Variants in MYO3A observed in about 807,000 individuals in gnomAD.
The protein encoded by MYO3A is myosin IIIA, also known as myosin-IIIa.
A neutral mutation model predicts 192.7 loss-of-function variants in MYO3A; 180 were observed. The ratio of observed to expected loss-of-function variants is 0.93; its 90% CI spans 0.83 to 1.06. MYO3A has a LOEUF of 1.06. Among genes scored for constraint, MYO3A ranks in the 50% least tolerant of loss-of-function variants. The probability of loss-of-function intolerance (pLI) is 0.00; values close to 1 mark genes in which losing one functional copy is unlikely to be tolerated. For synonymous variants in MYO3A, 628 were observed against 645.3 expected (o/e 0.97, Z 0.41); for missense variants, 1,896 against 1,905.0 (o/e 1.00, Z 0.09).
chr10:26,143,930 C>T (rs971075016), intron 21 of MYO3A, among the ~76,000 whole-genome samples: 3 of 152,140 alleles, frequency 2.0e-5, no homozygotes, highest in African/African-American at 7.2e-5. Context: ...AAAAGGACAG[C>T]TCTGGAATTG....
chr10:26,074,259 A>C (rs1237576225), intron 14 of MYO3A, among the ~76,000 whole-genome samples: 1 of 152,168 alleles, frequency 6.6e-6, no homozygotes, highest in Non-Finnish European at 1.5e-5. Context: ...GTGAGGCTGC[A>C]TAGTTCAAAA....
chr10:26,047,509 C>G (rs1054314092), intron 10 of MYO3A, among the ~76,000 whole-genome samples: 32 of 152,318 alleles, frequency 2.1e-4, no homozygotes, highest in African/African-American at 7.5e-4. Context: ...CACAGTGGCT[C>G]ACGCCTGTAA....
chr10:26,042,562 T>A (rs1317199057), intron 10 of MYO3A, among the ~76,000 whole-genome samples: 1 of 152,196 alleles, frequency 6.6e-6, no homozygotes, highest in Non-Finnish European at 1.5e-5. Context: ...GCTCACTAAT[T>A]CTTTCTTCTG....
At chr10:26,117,259 T>C (rs1325192434) in intron 17 of MYO3A, among the ~76,000 whole-genome samples, 1 of 152,176 alleles carries the variant, frequency 6.6e-6, no homozygotes, top group Non-Finnish European at 1.5e-5. Flanking sequence ...ACTTCCAAGT[T>C]CATAGACCAG....
intron 31 of MYO3A, among the ~76,000 whole-genome samples, chr10:26,180,630 T>G (rs1381739604): frequency 6.6e-6 from 1 of 151,948 alleles, no homozygotes. Flanking sequence ...GGAATAGAAT[T>G]CAGTAAGGAT....
chr10:26,095,117 G>A (rs779574369), intron 15 of MYO3A, among the ~76,000 whole-genome samples: 1 of 152,136 alleles, frequency 6.6e-6, no homozygotes, highest in Non-Finnish European at 1.5e-5. Context: ...TCAGGCCACT[G>A]CCAAAAGTGG....
chr10:26,036,537 G>A (rs1008166813), intron 10 of MYO3A, among the ~76,000 whole-genome samples: 1 of 152,168 alleles, frequency 6.6e-6, no homozygotes, highest in Non-Finnish European at 1.5e-5. Context: ...ATTTTCTCTA[G>A]TAATTAATAC....
At chr10:26,100,881 G>C (rs945692625) in intron 17 of MYO3A, among the ~76,000 whole-genome samples, 2 of 152,148 alleles carry the variant, frequency 1.3e-5, no homozygotes, top group Non-Finnish European at 2.9e-5. Context: ...TGTTGATTTG[G>C]GGTGGAGAGT....
At chr10:26,195,259 C>T (rs528065689) in intron 32 of MYO3A, among the ~76,000 whole-genome samples, 1 of 152,252 alleles carries the variant, frequency 6.6e-6, no homozygotes, top group African/African-American at 2.4e-5. Context: ...ACTTCTCCCT[C>T]GTTCTCATCT....
At chr10:26,146,601 C>T (rs904669341) in intron 22 of MYO3A, among the ~76,000 whole-genome samples, 1 of 152,144 alleles carries the variant, frequency 6.6e-6, no homozygotes, top group African/African-American at 2.4e-5. Flanking sequence ...GGTTCCTCTT[C>T]CTGCTCTTAT....
chr10:26,176,713 T>C lies in MYO3A; in HGVS notation c.4306T>C (p.Ser1436Pro). Residue 1436 changes from serine to proline, a missense_variant, in exon 31 of 35, where the codon TCT (serine) becomes CCT (proline). Coordinates refer to ENST00000642920, the MANE Select transcript of MYO3A (RefSeq NM_017433.5). ...ACCTTCTTTTTAGATATCAAAGTTA[T>C]CTGAAGAATATTTCATTCTGCAGAA... ...AIFSKQISKL[S>P]EEYFILQKKL... 1 of 1,609,324 alleles carries C rather than the reference T, an allele frequency of 6.2e-7. No homozygotes were observed. The highest frequency in any genetic ancestry group is 8.5e-7 in the Non-Finnish European group (1 of 1,175,762).
intron 10 of MYO3A, among the ~76,000 whole-genome samples, chr10:26,039,860 C>CA (rs34257927): frequency 0.17 from 25,180 of 151,734 alleles, 2,334 homozygotes; most frequent in Non-Finnish European, 0.21. Flanking sequence ...TTGTTTTCTT[C>CA]TTTCCAATTC....
At chr10:26,154,607 G>A in intron 24 of MYO3A, 139 bp from the exon 25 acceptor site, 1 of 736,420 alleles carries the variant, frequency 1.4e-6, no homozygotes, top group East Asian at 2.8e-5. Context: ...ATTACCTAAA[G>A]GAAGAATATC....
Position 26,173,820 on chromosome 10 carries a change from T to TATC in MYO3A, c.3558_3560dup (p.Tyr1186_Gln1187insHis). The stretch of plus-strand genomic sequence containing the variant: ...TGCTGTGGAGAGTAACAACAGAGTG[T>TATC]ATCAGACTCCAAAAAAAATGAATAA... On this transcript the variant is annotated inframe_insertion, in exon 30 of 35. Coordinates refer to ENST00000642920, the MANE Select transcript of MYO3A (RefSeq NM_017433.5). The TATC allele has an allele frequency of 6.2e-7, 1 of 1,614,086 alleles. No individual in the cohort carries two copies. Among genetic ancestry groups the TATC allele is most frequent in the Non-Finnish European group, 8.5e-7 (1 of 1,180,020 alleles).
intron 11 of MYO3A, 121 bp from the exon 12 acceptor site, chr10:26,068,646 GT>G (rs1835004508): frequency 3.3e-6 from 2 of 614,754 alleles, no homozygotes; most frequent in Admixed American, 2.4e-5. Flanking sequence ...TACTATCAGT[GT>G]GTCTGTTTTT....
At chr10:26,078,196 C>G (rs948156298) in intron 14 of MYO3A, among the ~76,000 whole-genome samples, 1 of 144,326 alleles carries the variant, frequency 6.9e-6, no homozygotes, top group Non-Finnish European at 1.5e-5. Flanking sequence ...TTGGTCTGTT[C>G]AGAGTATTTG....
chr10:26,096,265 A>T, intron 15 of MYO3A, 116 bp from the exon 16 acceptor site: 1 of 747,668 alleles, frequency 1.3e-6, no homozygotes, highest in Admixed American at 2.5e-5. Context: ...AAAATGCAGT[A>T]TTCAGAAAAG....
chr10:26,062,530 A>AAAAAAAAAACG (rs1554816581), intron 10 of MYO3A, among the ~76,000 whole-genome samples: 5 of 125,936 alleles, frequency 4.0e-5, no homozygotes, highest in Non-Finnish European at 8.5e-5. Context: ...AAAAAAAAAA[A>AAAAAAAAAACG]AAATTATGGA....
rs750595399 is a variant in MYO3A at position 26,212,036 on chromosome 10, C to G, written c.*73C>G. 2.6e-6 allele frequency: 4 copies of G among 1,556,546 alleles called. No individual in the cohort carries two copies. In the East Asian group the frequency reaches 9.2e-5, roughly 36 times the overall value. On this transcript the variant is annotated 3_prime_UTR_variant, in exon 35 of 35. Transcript: ENST00000642920. ...GGGCAGCAGGGGCCAAGCAGGCACT[C>G]TGGGGCTGGCACCAGCAGGCACTGA...
Sources: gnomAD v4.1 joint callset for allele counts (sites outside exome capture counted in the v4.1 genomes callset) on GRCh38, gnomAD v4.1.1 for gene constraint, MANE v1.5 for transcripts, NCBI Gene and HGNC (gene_info 2026-07-23, HGNC 2026-07-21) for gene names.